PC: variants seen among roughly 807,000 people sequenced by gnomAD.
The protein encoded by PC is pyruvate carboxylase.
Under a neutral mutation model 107.8 loss-of-function variants are expected in PC, and 46 were observed. The observed-to-expected ratio is 0.43, with a 90% CI of 0.34 to 0.55. The LOEUF (loss-of-function observed/expected upper bound fraction) is 0.55. PC is among the 20% of genes least tolerant of loss of function. The pLI is 0.04. For synonymous variants in PC, 662 were observed against 684.7 expected (o/e 0.97, Z 0.52); for missense variants, 1,241 against 1,643.1 (o/e 0.76, Z 4.23).
chr11:66,873,503 ATATT>A (rs1946851264), intron 3 of PC, among the ~76,000 whole-genome samples: 2 of 8,380 alleles, frequency 2.4e-4, no homozygotes, highest in Non-Finnish European at 4.8e-4. Context: ...ATATTATATA[ATATT>A]ATATATTATA....
Position 66,866,406 on chromosome 11 carries a change from G to C in PC, c.1023-57C>G. ...CGGGAGAAAGGGGGAAACATGAGGCGGGGGATAGACGAGGGGCACCGCAGC... is the reference window on the plus strand; with the variant it reads ...CGGGAGAAAGGGGGAAACATGAGGCCGGGGATAGACGAGGGGCACCGCAGC... On this transcript the variant is annotated intron_variant, in intron 10 of 22. Transcript: ENST00000393960. This position sits in a 1 kb window ranked among gnomAD's most constrained non-coding sequence, Gnocchi z 5.4. 1 of 1,314,920 alleles carries C rather than the reference G, an allele frequency of 7.6e-7. No homozygotes were observed. The highest frequency in any genetic ancestry group is 1.2e-5 in the South Asian group (1 of 81,818). The allele number at this position is 1,314,920 out of a possible 1,614,324, so 81.5% of individuals were successfully genotyped here.
At chr11:66,868,632 A>AT (rs531003320) in intron 10 of PC, among the ~76,000 whole-genome samples, 127 of 152,292 alleles carry the variant, frequency 8.3e-4, no homozygotes, top group African/African-American at 3.0e-3. Flanking sequence ...GCTGTCAGTC[A>AT]TTTTTATTTG....
At chr11:66,923,963 G>C (rs1351843369) in intron 3 of PC, among the ~76,000 whole-genome samples, 1 of 151,428 alleles carries the variant, frequency 6.6e-6, no homozygotes, top group Non-Finnish European at 1.5e-5. Flanking sequence ...AGCACTTTGG[G>C]AGGCTAGGGC....
rs113994143 is a variant in PC, at chr11:66,863,791, G to A, written c.1351C>T (p.Arg451Cys). Residue 451 changes from arginine (R) to cysteine (C), a missense_variant, in exon 12 of 23, where the codon CGC becomes TGC. By Grantham distance (180) the Arg-to-Cys change is radical (BLOSUM62 -3). This residue lies in a region of PC where 1,143 missense variants were observed against 1,551.9 expected (regional missense o/e 0.74). Coordinates refer to ENST00000393960, the MANE Select transcript of PC (RefSeq NM_001040716.2). ...TKMSRALAEF[R>C]VRGVKTNIAF... ...CCTCTCACCTTCACACCTCGGACGC[G>A]GAACTCCGCAAGGGCCCTGCTCATC... 3 of 1,612,030 alleles carry A rather than the reference G, an allele frequency of 1.9e-6. No individual in the cohort carries two copies. Among genetic ancestry groups the A allele is most frequent in the Non-Finnish European group, 2.5e-6 (3 of 1,179,342 alleles).
intron 3 of PC, among the ~76,000 whole-genome samples, chr11:66,909,368 A>G (rs1342459423): frequency 6.6e-6 from 1 of 152,164 alleles, no homozygotes; most frequent in Non-Finnish European, 1.5e-5. Context: ...GACCCCAGCC[A>G]TCTCCACTCA....
intron 3 of PC, among the ~76,000 whole-genome samples, chr11:66,885,014 G>A (rs745692072): frequency 1.6e-4 from 25 of 152,244 alleles, no homozygotes; most frequent in South Asian, 8.3e-4. Flanking sequence ...AATTCCCCTC[G>A]TTCCAAGATG....
At chr11:66,917,546 A>G (rs1163167917) in intron 3 of PC, among the ~76,000 whole-genome samples, 2 of 152,224 alleles carry the variant, frequency 1.3e-5, no homozygotes, top group Non-Finnish European at 2.9e-5. Context: ...AGCTCCAAGG[A>G]AAACTAGAAC....
At chr11:66,911,432 A>C (rs1430407881) in intron 3 of PC, among the ~76,000 whole-genome samples, 2 of 152,130 alleles carry the variant, frequency 1.3e-5, no homozygotes, top group African/African-American at 2.4e-5. Context: ...AAAAAAAAAA[A>C]AAAAACACCA....
At chr11:66,951,753 G>A (rs998636597) in intron 3 of PC, among the ~76,000 whole-genome samples, 2 of 152,084 alleles carry the variant, frequency 1.3e-5, no homozygotes, top group African/African-American at 2.4e-5. Flanking sequence ...AGCTGGGCAT[G>A]GCAGCACACA....
chr11:66,917,773 A>C (rs1948498329), intron 3 of PC, among the ~76,000 whole-genome samples: 1 of 152,178 alleles, frequency 6.6e-6, no homozygotes, highest in Non-Finnish European at 1.5e-5. Context: ...TAACGGAGAA[A>C]TTTATCTGGC....
At chr11:66,945,942 A>C (rs370344571) in intron 3 of PC, among the ~76,000 whole-genome samples, 5,676 of 150,098 alleles carry the variant, frequency 0.038, 336 homozygotes, top group African/African-American at 0.13. Context: ...AAAAATTAGC[A>C]GGGCGCGGTG....
intron 3 of PC, among the ~76,000 whole-genome samples, chr11:66,950,255 T>C (rs1040580186): frequency 6.6e-6 from 1 of 152,050 alleles, no homozygotes; most frequent in Non-Finnish European, 1.5e-5. Context: ...GTCGTGGAAT[T>C]TTCCCAAAGC....
At chr11:66,931,837 G>A (rs1480476994) in intron 3 of PC, among the ~76,000 whole-genome samples, 1 of 151,988 alleles carries the variant, frequency 6.6e-6, no homozygotes, top group Non-Finnish European at 1.5e-5. Flanking sequence ...CTAACACGGT[G>A]AAACCCCATC....
At chr11:66,936,080 A>C (rs1364187932) in intron 3 of PC, among the ~76,000 whole-genome samples, 4 of 41,566 alleles carry the variant, frequency 9.6e-5, no homozygotes, top group Non-Finnish European at 1.5e-4. Flanking sequence ...CCCTGTCTCA[A>C]AAAAAAAAAA....
chr11:66,849,800 A>G lies in PC; in HGVS notation c.2958T>C (p.Asp986=). Residue 986 remains aspartate, a synonymous_variant, in exon 21 of 23, where the codon GAT becomes GAC. Transcript: ENST00000393960. ...GRPGASLPPL[D]LQALEKELVD... ...CCAGCTCCTTCTCCAGTGCCTGCAG[A>G]TCCAGGGGAGGGAGGGAGGCTCCAG... 1 of 1,614,048 alleles carries G rather than the reference A, an allele frequency of 6.2e-7. No individual in the cohort carries two copies. The highest frequency in any genetic ancestry group is 8.5e-7 in the Non-Finnish European group (1 of 1,180,006).
intron 3 of PC, among the ~76,000 whole-genome samples, chr11:66,875,772 G>A (rs1320028199): frequency 6.6e-6 from 1 of 152,104 alleles, no homozygotes; most frequent in East Asian, 1.9e-4. Flanking sequence ...GAGTAACCTT[G>A]CTGGACTCTG....
rs775477928 is a variant in PC, at chr11:66,866,158, G to A, written c.1185+29C>T. The A allele has an allele frequency of 1.3e-6, 2 of 1,599,624 alleles. No individual in the cohort carries two copies. The highest frequency in any genetic ancestry group is 1.7e-6 in the Non-Finnish European group (2 of 1,177,448). On this transcript the variant is annotated intron_variant, in intron 11 of 22. Transcript: ENST00000393960. This position sits in a 1 kb window ranked among gnomAD's most constrained non-coding sequence, Gnocchi z 5.4. Reference sequence around the variant, plus strand: ...GCAGAACCTGTGCACAGGTGAGCTGGCATCTCCCTCTGCTCGAGCTCCGCC... The same window carrying A: ...GCAGAACCTGTGCACAGGTGAGCTGACATCTCCCTCTGCTCGAGCTCCGCC...
chr11:66,936,783 T>C (rs921120816), intron 3 of PC, among the ~76,000 whole-genome samples: 4 of 152,098 alleles, frequency 2.6e-5, no homozygotes, highest in African/African-American at 9.7e-5. Context: ...CACATAAGCA[T>C]CCCTGGGTAT....
chr11:66,851,362 CTA>C, intron 16 of PC, 82 bp from the exon 17 acceptor site: 1 of 1,578,782 alleles, frequency 6.3e-7, no homozygotes, highest in Non-Finnish European at 8.6e-7. Flanking sequence ...CTGACCCACT[CTA>C]TGGCCCCTGG....
Sources: gnomAD v4.1 joint callset for allele counts (sites outside exome capture counted in the v4.1 genomes callset) on GRCh38, gnomAD v4.1.1 for gene constraint, gnomAD v4.1.1 regional missense constraint, Gnocchi (gnomAD v3.1) non-coding constraint, MANE v1.5 for transcripts, NCBI Gene and HGNC (gene_info 2026-07-23, HGNC 2026-07-21) for gene names.